The following RNF6 variants were observed in gnomAD, a reference collection of about 807,000 sequenced individuals.
RNF6 encodes the protein E3 ubiquitin-protein ligase RNF6.
RNF6 carries 21 observed loss-of-function variants against 50.1 expected under a neutral mutation model. The observed-to-expected ratio is 0.42, with a 90% CI of 0.30 to 0.60. The LOEUF (loss-of-function observed/expected upper bound fraction) is 0.60, where lower values mean the gene tolerates loss of function less well. RNF6 is among the 20% of genes least tolerant of loss of function. The pLI, the probability that RNF6 is intolerant of heterozygous loss-of-function variation, is 0.20. For missense variants in RNF6, 698 were observed against 838.2 expected (o/e 0.83, Z 2.07); for synonymous variants, 255 against 291.8 (o/e 0.87, Z 1.29).
chr13:26,188,264 T>C (rs778858614), intron 5 of RNF6, among the ~76,000 whole-genome samples: 8 of 152,204 alleles, frequency 5.3e-5, no homozygotes, highest in Non-Finnish European at 8.8e-5. Flanking sequence ...TGAGAAGTGC[T>C]GATGGTGGCA....
chr13:26,146,323 T>C (rs1052519171), intron 5 of RNF6, among the ~76,000 whole-genome samples: 1 of 152,236 alleles, frequency 6.6e-6, no homozygotes, highest in African/African-American at 2.4e-5. Context: ...CTGTTCATTA[T>C]GGTAACCACA....
At chr13:26,173,466 A>G (rs1872798509) in intron 5 of RNF6, among the ~76,000 whole-genome samples, 1 of 152,234 alleles carries the variant, frequency 6.6e-6, no homozygotes, top group Admixed American at 6.5e-5. Flanking sequence ...AATGATAGAC[A>G]TATGTACTCT....
intron 5 of RNF6, among the ~76,000 whole-genome samples, chr13:26,138,141 A>G (rs1870745372): frequency 6.6e-6 from 1 of 152,210 alleles, no homozygotes; most frequent in South Asian, 2.1e-4. Context: ...TACACTAAAA[A>G]ATATTAACAG....
chr13:26,150,525 T>C lies in RNF6; in HGVS notation n.769-18074A>G, dbSNP rs550040685. 4.8e-4 allele frequency among the ~76,000 whole-genome samples: 73 copies of C among 152,264 alleles called. 1 individual carries two copies. Among genetic ancestry groups the C allele is most frequent in the Admixed American group, 4.4e-3 (67 of 15,292 alleles). Reference sequence around the variant, plus strand: ...CAGCACAATTTGTGTGTGCATCCCTTTCAGCCGCTTAAGACTTTGACCTAC... The same window carrying C: ...CAGCACAATTTGTGTGTGCATCCCTCTCAGCCGCTTAAGACTTTGACCTAC... On this transcript the variant is annotated intron_variant and non_coding_transcript_variant, in intron 5 of 5. Coordinates refer to the RNF6 transcript ENST00000468480.
chr13:26,201,026 A>G (rs1408553542), intron 5 of RNF6, among the ~76,000 whole-genome samples: 1 of 152,258 alleles, frequency 6.6e-6, no homozygotes, highest in Non-Finnish European at 1.5e-5. Flanking sequence ...GCATTGCATA[A>G]CATAAAGATG....
chr13:26,153,454 C>G (rs1247673505), intron 5 of RNF6, among the ~76,000 whole-genome samples: 3 of 152,072 alleles, frequency 2.0e-5, no homozygotes, highest in Non-Finnish European at 2.9e-5. Context: ...CCCCGTGATC[C>G]ACCCACCTCG....
intron 5 of RNF6, among the ~76,000 whole-genome samples, chr13:26,143,828 C>T (rs1376103371): frequency 6.6e-6 from 1 of 152,144 alleles, no homozygotes; most frequent in Non-Finnish European, 1.5e-5. Flanking sequence ...GGCCCATTGC[C>T]ACACTTCATT....
intron 5 of RNF6, among the ~76,000 whole-genome samples, chr13:26,183,058 A>G (rs1348301112): frequency 3.3e-5 from 5 of 152,220 alleles, no homozygotes; most frequent in Non-Finnish European, 5.9e-5. Context: ...TGAGCCAAGT[A>G]CAGCCTTTCC....
downstream of RNF6, among the ~76,000 whole-genome samples, chr13:26,209,432 G>A (rs1396388237): frequency 6.6e-6 from 1 of 152,226 alleles, no homozygotes; most frequent in African/African-American, 2.4e-5. Context: ...AGTAATCAAT[G>A]TATGGCACTT....
intron 5 of RNF6, among the ~76,000 whole-genome samples, chr13:26,196,882 A>G (rs553766851): frequency 6.6e-6 from 1 of 152,110 alleles, no homozygotes; most frequent in South Asian, 2.1e-4. Context: ...AAAAACTAGC[A>G]TTATAAGGTG....
In RNF6 at chr13:26,218,625, G is replaced by C. The variant is rs1465289605; in HGVS notation, c.194-19C>G. On this transcript the variant is annotated intron_variant, in intron 3 of 4. Transcript: ENST00000381588. ...ATTTCTCCTAAAACAATGAAAAACT[G>C]CTCATTTAAGAATTCTGAATTAAGT... The C allele has an allele frequency of 6.3e-7, 1 of 1,595,090 alleles. No individual in the cohort carries two copies. Among genetic ancestry groups the C allele is most frequent in the South Asian group, 1.1e-5 (1 of 90,726 alleles).
downstream of RNF6, among the ~76,000 whole-genome samples, chr13:26,209,184 C>T (rs555355973): frequency 4.5e-4 from 69 of 152,340 alleles, no homozygotes; most frequent in African/African-American, 1.7e-3. Context: ...CAAGCCCCAA[C>T]ATTGAAATGC....
intron 5 of RNF6, among the ~76,000 whole-genome samples, chr13:26,202,787 C>T (rs1340098209): frequency 6.6e-6 from 1 of 152,212 alleles, no homozygotes; most frequent in Non-Finnish European, 1.5e-5. Context: ...ACATGGGCAG[C>T]TACTTACTGT....
intron 5 of RNF6, among the ~76,000 whole-genome samples, chr13:26,190,367 A>C (rs1038869821): frequency 6.6e-6 from 1 of 152,242 alleles, no homozygotes; most frequent in Non-Finnish European, 1.5e-5. Flanking sequence ...ATTAGGATGT[A>C]AACATCTTCA....
At position 26,215,241 on chromosome 13, in the gene RNF6, C is replaced by T; in HGVS notation, c.641G>A (p.Arg214Lys). 6.2e-7 allele frequency: 1 copy of T among 1,614,216 alleles called. No individual in the cohort carries two copies. Among genetic ancestry groups the T allele is most frequent in the Non-Finnish European group, 8.5e-7 (1 of 1,180,030 alleles). Residue 214 changes from arginine to lysine, a missense_variant, in exon 5 of 5, where the codon AGG becomes AAG. Coordinates refer to ENST00000381588, the MANE Select transcript of RNF6 (RefSeq NM_005977.4). The stretch of plus-strand genomic sequence containing the variant: ...TTGCCCCCTTGAAGCAAGCCTAGTC[C>T]TTGGAATGTTGGAACTACTACCATT... ...NFNGSSSNIP[R>K]TRLASRGQNP...
rs1593200738 is a variant in RNF6, at chr13:26,218,605, T to C, written c.195A>G (p.Gly65=). The C allele has an allele frequency of 6.2e-6, 10 of 1,613,032 alleles. No homozygotes were observed. The East Asian group carries it at 2.2e-4, about 36-fold the overall frequency. ...MRDHNLLGTP[G]EITSEELQQR... ...GTTGCAGTTCTTCTGATGTTATTTC[T>C]CCTAAAACAATGAAAAACTGCTCAT... The change falls in exon 4 of 5, where the codon GGA becomes GGG. Residue 65 remains glycine (G), a splice_region_variant and synonymous_variant. Coordinates refer to ENST00000381588, the MANE Select transcript of RNF6 (RefSeq NM_005977.4).
chr13:26,196,209 C>T (rs1190422295), intron 5 of RNF6, among the ~76,000 whole-genome samples: 1 of 152,058 alleles, frequency 6.6e-6, no homozygotes, highest in Non-Finnish European at 1.5e-5. Context: ...AAAAAGTTAT[C>T]ACAAACATAC....
intron 5 of RNF6, among the ~76,000 whole-genome samples, chr13:26,151,857 T>C (rs969185727): frequency 6.6e-6 from 1 of 152,230 alleles, no homozygotes; most frequent in Admixed American, 6.5e-5. Flanking sequence ...ACATCTCTTG[T>C]ATGTCTCCCT....
At chr13:26,181,173 G>T (rs1397631966) in intron 5 of RNF6, among the ~76,000 whole-genome samples, 1 of 152,178 alleles carries the variant, frequency 6.6e-6, no homozygotes, top group African/African-American at 2.4e-5. Flanking sequence ...CCCCGCCCCT[G>T]TGCACCCAGG....
Sources: gnomAD v4.1 joint callset for allele counts (sites outside exome capture counted in the v4.1 genomes callset) on GRCh38, gnomAD v4.1.1 for gene constraint, MANE v1.5 for transcripts, NCBI Gene and HGNC (gene_info 2026-07-23, HGNC 2026-07-21) for gene names.